The following MSI2 variants were observed in gnomAD, a reference collection of about 807,000 sequenced individuals.
MSI2 encodes musashi RNA binding protein 2.
In MSI2, 17 loss-of-function variants were observed where a neutral mutation model predicts 45.6. That is an observed-to-expected ratio of 0.37 (90% CI 0.26 to 0.56). The LOEUF (loss-of-function observed/expected upper bound fraction) is 0.56. Among genes scored for constraint, MSI2 ranks in the 20% least tolerant of loss-of-function variants. MSI2 has a pLI of 0.77. For missense variants in MSI2, 293 were observed against 444.2 expected, an observed-to-expected ratio of 0.66 and a Z score of 3.06; for synonymous variants, 156 against 158.2, an observed-to-expected ratio of 0.99 and a Z score of 0.11.
chr17:57,430,631 A>G (rs1217579551), intron 6 of MSI2, among the ~76,000 whole-genome samples: 2 of 152,204 alleles, frequency 1.3e-5, no homozygotes, highest in Non-Finnish European at 2.9e-5. Context: ...TTCCCATATG[A>G]GAGACTCCGG....
At chr17:57,441,800 C>G (rs933810884) in intron 6 of MSI2, among the ~76,000 whole-genome samples, 9 of 152,174 alleles carry the variant, frequency 5.9e-5, no homozygotes, top group African/African-American at 2.2e-4. Flanking sequence ...AGCATGTTGC[C>G]TGGCACACAG....
At chr17:57,595,642 A>C (rs970195625) in intron 7 of MSI2, among the ~76,000 whole-genome samples, 4 of 151,534 alleles carry the variant, frequency 2.6e-5, no homozygotes, top group African/African-American at 9.7e-5. Flanking sequence ...TGAGGGCCCC[A>C]TCCTCACGAA....
chr17:57,543,220 A>T (rs2144136408), intron 7 of MSI2, among the ~76,000 whole-genome samples: 1 of 152,330 alleles, frequency 6.6e-6, no homozygotes, highest in African/African-American at 2.4e-5. Flanking sequence ...CACTTTTTCC[A>T]GCACCCAAGG....
At chr17:57,458,884 C>T (rs1044562132) in intron 6 of MSI2, among the ~76,000 whole-genome samples, 5 of 152,192 alleles carry the variant, frequency 3.3e-5, no homozygotes, top group Admixed American at 6.5e-5. Context: ...CCCTGCTCCG[C>T]GGTTGCTGGG....
At chr17:57,506,857 G>A (rs1235860954) in intron 6 of MSI2, among the ~76,000 whole-genome samples, 1 of 152,168 alleles carries the variant, frequency 6.6e-6, no homozygotes, top group Non-Finnish European at 1.5e-5. Context: ...ATCTCATGAA[G>A]ACAGATTTCT....
chr17:57,661,438 C>A (rs1045793236), intron 11 of MSI2, among the ~76,000 whole-genome samples: 3 of 152,092 alleles, frequency 2.0e-5, no homozygotes, highest in African/African-American at 7.2e-5. Context: ...ATCTTGAAAG[C>A]CATGTTGATA....
the MSI2 span, among the ~76,000 whole-genome samples, chr17:57,691,846 T>C: frequency 6.6e-6 from 1 of 152,208 alleles, no homozygotes; most frequent in East Asian, 1.9e-4. Flanking sequence ...CCTTATTCAC[T>C]GGCTAGGAGC....
At chr17:57,330,038 T>C (rs1914114530) in intron 5 of MSI2, among the ~76,000 whole-genome samples, 1 of 151,984 alleles carries the variant, frequency 6.6e-6, no homozygotes, top group Non-Finnish European at 1.5e-5. Flanking sequence ...GTTCTAAATA[T>C]AGCTCCTGTT....
At chr17:57,580,344 T>C (rs2088167779) in intron 7 of MSI2, among the ~76,000 whole-genome samples, 1 of 152,236 alleles carries the variant, frequency 6.6e-6, no homozygotes, top group African/African-American at 2.4e-5. Context: ...CCTGACTGAC[T>C]GCTTTTGTGT....
At chr17:57,319,676 G>T (rs1225186458) in intron 5 of MSI2, among the ~76,000 whole-genome samples, 1 of 152,122 alleles carries the variant, frequency 6.6e-6, no homozygotes, top group Non-Finnish European at 1.5e-5. Flanking sequence ...GCAGAGACAC[G>T]ATCATGGCTC....
chr17:57,674,600 A>G (rs1457497171), intron 11 of MSI2, among the ~76,000 whole-genome samples: 2 of 152,136 alleles, frequency 1.3e-5, no homozygotes, highest in African/African-American at 4.8e-5. Flanking sequence ...ATGTGAAAAA[A>G]AAACTCTCTC....
At chr17:57,699,014 GGAGA>G in the MSI2 span, among the ~76,000 whole-genome samples, 672 of 23,574 alleles carry the variant, frequency 0.029, 100 homozygotes, top group Non-Finnish European at 0.035. Flanking sequence ...GAAGAGGCGA[GGAGA>G]GAGAGAGAGA....
chr17:57,258,019 G>A (rs142772894), intron 3 of MSI2, among the ~76,000 whole-genome samples: 1 of 152,274 alleles, frequency 6.6e-6, no homozygotes, highest in East Asian at 1.9e-4. Context: ...TGGCCAAAGA[G>A]TGGAGGCACC....
At chr17:57,699,610 G>A in the MSI2 span, among the ~76,000 whole-genome samples, 2 of 152,042 alleles carry the variant, frequency 1.3e-5, no homozygotes, top group African/African-American at 2.4e-5. Flanking sequence ...TTCTTTGATG[G>A]TCAGAATTGA....
intron 5 of MSI2, among the ~76,000 whole-genome samples, chr17:57,310,069 G>C (rs912148815): frequency 2.0e-5 from 3 of 152,214 alleles, no homozygotes; most frequent in Non-Finnish European, 4.4e-5. Context: ...TGGAAGTCCA[G>C]GTGGCAGAGG....
At chr17:57,573,739 G>A (rs2087940304) in intron 7 of MSI2, among the ~76,000 whole-genome samples, 1 of 152,252 alleles carries the variant, frequency 6.6e-6, no homozygotes, top group Non-Finnish European at 1.5e-5. Context: ...TGATGGAGGA[G>A]TGACAGGCTT....
chr17:57,593,752 A>G (rs1021421783), intron 7 of MSI2, among the ~76,000 whole-genome samples: 3 of 152,160 alleles, frequency 2.0e-5, no homozygotes, highest in African/African-American at 4.8e-5. Flanking sequence ...AAACTGGCCT[A>G]TCCTGGCTTG....
intron 6 of MSI2, among the ~76,000 whole-genome samples, chr17:57,506,516 C>T (rs2086232310): frequency 6.6e-6 from 1 of 152,168 alleles, no homozygotes; most frequent in Non-Finnish European, 1.5e-5. Flanking sequence ...TTCTGGTGTG[C>T]TCCTGATGCC....
intron 5 of MSI2, among the ~76,000 whole-genome samples, chr17:57,377,072 C>A (rs923964109): frequency 1.3e-5 from 2 of 152,282 alleles, no homozygotes; most frequent in Non-Finnish European, 2.9e-5. Flanking sequence ...AGGCGCCCGC[C>A]ACCACGCCCA....
Sources: allele counts gnomAD v4.1 joint callset (sites outside exome capture counted in the v4.1 genomes callset), GRCh38; gene constraint gnomAD v4.1.1; transcripts MANE v1.5; gene names NCBI Gene and HGNC (gene_info 2026-07-23, HGNC 2026-07-21).